Variants in SNRNP40 observed in about 807,000 individuals in gnomAD.
The protein encoded by SNRNP40 is small nuclear ribonucleoprotein U5 subunit 40.
In SNRNP40, 21 loss-of-function variants were observed where a neutral mutation model predicts 45.8. That is an observed-to-expected ratio of 0.46 (90% CI 0.32 to 0.66). The LOEUF (loss-of-function observed/expected upper bound fraction) is 0.66. Among genes scored for constraint, SNRNP40 ranks in the 30% least tolerant of loss-of-function variants. The pLI, the probability that SNRNP40 is intolerant of heterozygous loss-of-function variation, is 0.03. For missense variants in SNRNP40, 344 were observed against 439.1 expected (o/e 0.78, Z 1.94); for synonymous variants, 142 against 163.8 (o/e 0.87, Z 1.01).
At chr1:31,292,985 C>A (rs890963528) in intron 2 of SNRNP40, 1 of 517,930 alleles carries the variant, frequency 1.9e-6, no homozygotes, top group East Asian at 3.5e-5. Context: ...CATTCTCAAA[C>A]CAGAACAACT....
chr1:31,295,177 C>A (rs1646135120), intron 1 of SNRNP40, among the ~76,000 whole-genome samples: 1 of 151,902 alleles, frequency 6.6e-6, no homozygotes, highest in African/African-American at 2.4e-5. Flanking sequence ...ATTGCTTGAG[C>A]TCAGGAGTGA....
chr1:31,288,871 A>G (rs1324146917), intron 4 of SNRNP40, among the ~76,000 whole-genome samples: 1 of 152,146 alleles, frequency 6.6e-6, no homozygotes, highest in African/African-American at 2.4e-5. Flanking sequence ...AACTGGAACT[A>G]CAGGTGCCCG....
At chr1:31,289,215 A>C (rs773776655) in intron 4 of SNRNP40, 39 bp downstream of exon 4, 13 of 1,600,614 alleles carry the variant, frequency 8.1e-6, no homozygotes, top group Admixed American at 5.1e-5. Context: ...TTCACATCAC[A>C]TCACCTCAGA....
chr1:31,261,505 TC>T, intron 9 of SNRNP40, 23 bp downstream of exon 9: 1 of 1,491,770 alleles, frequency 6.7e-7, no homozygotes, highest in Non-Finnish European at 9.4e-7. Flanking sequence ...AGTTTCCCTT[TC>T]CCCCTCGTTG....
chr1:31,261,128 G>T (rs533080456), intron 9 of SNRNP40: 2 of 696,576 alleles, frequency 2.9e-6, no homozygotes, highest in South Asian at 1.5e-5. Flanking sequence ...ATTACTGGAC[G>T]TCAGGAGTTC....
intron 8 of SNRNP40, among the ~76,000 whole-genome samples, chr1:31,263,881 T>C (rs1239250932): frequency 7.1e-6 from 1 of 141,282 alleles, no homozygotes; most frequent in African/African-American, 2.7e-5. Context: ...TCTCGTATTT[T>C]ACTTTCACTT....
At chr1:31,292,868 T>C (rs1217038349) in intron 2 of SNRNP40, 3 of 253,974 alleles carry the variant, frequency 1.2e-5, no homozygotes, top group African/African-American at 4.7e-5. Context: ...CTTATACCTT[T>C]GGGAAAATAA....
At chr1:31,263,103 CT>C (rs1319352755) in intron 8 of SNRNP40, 2 of 151,936 alleles carry the variant, frequency 1.3e-5, no homozygotes, top group African/African-American at 2.4e-5. Flanking sequence ...CTGAATACTA[CT>C]GAAATACTAC....
intron 4 of SNRNP40, among the ~76,000 whole-genome samples, chr1:31,283,900 A>G (rs1016029255): frequency 1.3e-5 from 2 of 152,184 alleles, no homozygotes; most frequent in African/African-American, 4.8e-5. Context: ...AACATGGATC[A>G]AGGACCTAAA....
chr1:31,263,913 T>TAAAAA (rs11419603), intron 8 of SNRNP40, among the ~76,000 whole-genome samples: 2 of 106,986 alleles, frequency 1.9e-5, no homozygotes, highest in Non-Finnish European at 3.6e-5. Context: ...ATGTACTGGC[T>TAAAAA]AAAAAAAAAA....
At chr1:31,271,861 C>G (rs1399224654) in intron 5 of SNRNP40, among the ~76,000 whole-genome samples, 1 of 152,070 alleles carries the variant, frequency 6.6e-6, no homozygotes, top group South Asian at 2.1e-4. Flanking sequence ...GTCTTGAACT[C>G]CCGAGCTCAA....
intron 4 of SNRNP40, among the ~76,000 whole-genome samples, chr1:31,285,882 A>G (rs1646054021): frequency 6.6e-6 from 1 of 152,196 alleles, no homozygotes; most frequent in South Asian, 2.1e-4. Context: ...CACAGAAATG[A>G]TGCTGCATCT....
intron 8 of SNRNP40, among the ~76,000 whole-genome samples, chr1:31,262,905 G>A (rs1645870039): frequency 6.6e-6 from 1 of 151,974 alleles, no homozygotes; most frequent in Non-Finnish European, 1.5e-5. Flanking sequence ...GGGAGGCCAA[G>A]GTGGGAGGAC....
intron 6 of SNRNP40, 195 bp from the exon 7 acceptor site, chr1:31,269,435 A>G: frequency 2.3e-6 from 3 of 1,306,524 alleles, no homozygotes; most frequent in Admixed American, 3.7e-5. Flanking sequence ...CTAAATCCCA[A>G]TAACTGGGGC....
Position 31,293,956 on chromosome 1 carries a change from T to C in SNRNP40, c.142-608A>G, listed in dbSNP as rs377070428. ...TGGGTGAAATAGTTTTGTTTTATTT[T>C]TAATTTTTTTTGTGTGTTTTGAGAC... On this transcript the variant is annotated intron_variant, in intron 1 of 9. Coordinates refer to ENST00000263694, the MANE Select transcript of SNRNP40 (RefSeq NM_004814.3). 3.3e-5 allele frequency among the ~76,000 whole-genome samples: 5 copies of C among 152,070 alleles called. No individual in the cohort carries two copies. The East Asian group carries it at 9.6e-4, about 29-fold the overall frequency.
At chr1:31,269,625 C>T (rs983041519) in intron 6 of SNRNP40, 1 of 354,832 alleles carries the variant, frequency 2.8e-6, no homozygotes, top group African/African-American at 2.1e-5. Context: ...TGACAATGAA[C>T]TTATAAAAGC....
At chr1:31,276,069 AATG>A (rs565965644) in intron 5 of SNRNP40, among the ~76,000 whole-genome samples, 133 of 152,334 alleles carry the variant, frequency 8.7e-4, no homozygotes, top group African/African-American at 3.1e-3. Context: ...ATAATAAAAA[AATG>A]ATGATGATAA....
chr1:31,263,121 A>G (rs545066391), intron 8 of SNRNP40: 23 of 152,356 alleles, frequency 1.5e-4, no homozygotes, highest in African/African-American at 5.3e-4. Context: ...CTACTGAAAT[A>G]CTGAAATAAC....
rs530817521 is a variant in SNRNP40 at position 31,296,503 on chromosome 1, T to C, written c.141+108A>G. The C allele has an allele frequency of 1.8e-5, 25 of 1,389,080 alleles. 1 individual carries two copies. The highest frequency in any genetic ancestry group is 2.4e-5 in the Non-Finnish European group (25 of 1,022,862). The allele number at this position is 1,389,080 out of a possible 1,614,324, so 86.0% of individuals were successfully genotyped here. A position where few individuals can be genotyped will look rare whatever the true frequency, so the allele number is the denominator to read the frequency against. On this transcript the variant is annotated intron_variant, in intron 1 of 9. Coordinates refer to ENST00000263694, the MANE Select transcript of SNRNP40 (RefSeq NM_004814.3). ...ATGTGCTTTAACTCTGCGTAGAAAC[T>C]CTCGTTCTGCCCCCGCAATGCGGGA...
Sources: gnomAD v4.1 joint callset for allele counts (sites outside exome capture counted in the v4.1 genomes callset) on GRCh38, gnomAD v4.1.1 for gene constraint, MANE v1.5 for transcripts, NCBI Gene and HGNC (gene_info 2026-07-23, HGNC 2026-07-21) for gene names.